Variants in FGF1 observed in about 807,000 individuals in gnomAD.
The protein encoded by FGF1 is beta-endothelial cell growth factor.
In FGF1, 9 loss-of-function variants were observed where a neutral mutation model predicts 13.4. The observed-to-expected ratio is 0.67, with a 90% confidence interval of 0.40 to 1.17. The LOEUF (loss-of-function observed/expected upper bound fraction) is 1.17, where lower values mean the gene tolerates loss of function less well. Among genes scored for constraint, FGF1 ranks in the 50% most tolerant of loss-of-function variants. FGF1 has a pLI of 0.01. For missense variants in FGF1, 156 were observed against 192.7 expected (o/e 0.81, Z 1.13); for synonymous variants, 93 against 79.0 (o/e 1.18, Z -0.94).
At chr5:142,626,336 G>C (rs116012826) in intron 1 of FGF1, among the ~76,000 whole-genome samples, 27 of 152,308 alleles carry the variant, frequency 1.8e-4, no homozygotes, top group African/African-American at 6.0e-4. Flanking sequence ...AGCTAAGGAA[G>C]TGAGGCTCAG....
At chr5:142,599,307 T>G (rs1755963398) in intron 3 of FGF1, among the ~76,000 whole-genome samples, 1 of 152,222 alleles carries the variant, frequency 6.6e-6, no homozygotes, top group African/African-American at 2.4e-5. Flanking sequence ...CATAGCATTT[T>G]AGAGGTTACC....
chr5:142,612,899 C>A (rs1006614828), intron 2 of FGF1, among the ~76,000 whole-genome samples: 2 of 152,194 alleles, frequency 1.3e-5, no homozygotes, highest in Non-Finnish European at 2.9e-5. Flanking sequence ...TTAGAGCCTG[C>A]AACCTCTGGT....
At chr5:142,600,566 AG>A (rs1756297243) in intron 3 of FGF1, 135 bp downstream of exon 3, 3 of 685,866 alleles carry the variant, frequency 4.4e-6, no homozygotes, top group Non-Finnish European at 5.3e-6. Flanking sequence ...AAGCAGAGTG[AG>A]GGTGGGAATC....
chr5:142,597,406 C>G (rs1295610602), intron 3 of FGF1, among the ~76,000 whole-genome samples: 2 of 152,016 alleles, frequency 1.3e-5, no homozygotes, highest in African/African-American at 4.8e-5. Context: ...ACAGTAGAAC[C>G]CAGTGCAGCT....
intron 1 of FGF1, among the ~76,000 whole-genome samples, chr5:142,631,435 G>T (rs1306107157): frequency 1.3e-5 from 2 of 152,168 alleles, no homozygotes; most frequent in Admixed American, 6.5e-5. Context: ...ACATTGCAAA[G>T]AAATTTTGTC....
intron 2 of FGF1, among the ~76,000 whole-genome samples, chr5:142,695,861 T>A (rs1026869123): frequency 1.3e-5 from 2 of 152,140 alleles, no homozygotes; most frequent in African/African-American, 4.8e-5. Context: ...TGACAGTCAA[T>A]GCCATTCTGA....
chr5:142,650,337 A>G (rs1286007627), intron 1 of FGF1, among the ~76,000 whole-genome samples: 1 of 152,232 alleles, frequency 6.6e-6, no homozygotes, highest in Non-Finnish European at 1.5e-5. Context: ...GTTCAGAAAG[A>G]CAGTCAAGGT....
chr5:142,663,178 G>C (rs141265146), intron 1 of FGF1, among the ~76,000 whole-genome samples: 46 of 151,590 alleles, frequency 3.0e-4, no homozygotes, highest in Non-Finnish European at 5.0e-4. Context: ...GTTAGGCTGA[G>C]TTGAGACAGC....
At chr5:142,695,077 T>C (rs562738049) in intron 2 of FGF1, among the ~76,000 whole-genome samples, 1 of 152,280 alleles carries the variant, frequency 6.6e-6, no homozygotes, top group South Asian at 2.1e-4. Flanking sequence ...TGGGTTATAG[T>C]CTGCACATCA....
At position 142,656,350 on chromosome 5, in the gene FGF1, A is replaced by T. The variant is rs578222824; in HGVS notation, c.-35+29607T>A. 2.6e-5 allele frequency among the ~76,000 whole-genome samples: 4 copies of T among 152,262 alleles called. No individual in the cohort carries two copies. In the East Asian group the frequency reaches 7.7e-4, roughly 29 times the overall value. ...GTAACCCACAATATCTTGATTAAAA[A>T]AAAAGCTGTTATTCAGTTGGGATAC... On this transcript the variant is annotated intron_variant, in intron 1 of 3. Transcript: ENST00000337706.
Position 142,592,313 on chromosome 5 carries a change from C to T in FGF1, c.*2977G>A. ...TGTGAGTTTAGTTGTCAGCAGTACA[C>T]TCAAGGCTGAGGACTTGGCGCCTTG... On this transcript the variant is annotated 3_prime_UTR_variant, in exon 4 of 4. Transcript: ENST00000337706. 2.5e-6 allele frequency: 1 copy of T among 398,588 alleles called. No homozygotes were observed. Among genetic ancestry groups the T allele is most frequent in the Non-Finnish European group, 4.4e-6 (1 of 226,018 alleles). 24.7% of individuals were successfully genotyped at this position (398,588 alleles called of 1,614,324 possible).
At chr5:142,639,533 G>T (rs769734572) in intron 1 of FGF1, among the ~76,000 whole-genome samples, 4 of 152,006 alleles carry the variant, frequency 2.6e-5, no homozygotes, top group Non-Finnish European at 5.9e-5. Context: ...ACTCATTGAA[G>T]TAGAGAGTAG....
chr5:142,621,100 C>T (rs1367677181), intron 1 of FGF1, among the ~76,000 whole-genome samples: 3 of 152,180 alleles, frequency 2.0e-5, no homozygotes, highest in Non-Finnish European at 2.9e-5. Context: ...GTCAATTCTG[C>T]TGCTAGTGAC....
At chr5:142,655,571 C>T (rs1238848350) in intron 1 of FGF1, among the ~76,000 whole-genome samples, 1 of 152,206 alleles carries the variant, frequency 6.6e-6, no homozygotes, top group Admixed American at 6.5e-5. Flanking sequence ...TAATTCCCGA[C>T]AGTTAACAAA....
At chr5:142,645,640 C>T (rs985261433) in intron 1 of FGF1, among the ~76,000 whole-genome samples, 13 of 152,178 alleles carry the variant, frequency 8.5e-5, no homozygotes, top group Admixed American at 7.9e-4. Context: ...ATCACAATGC[C>T]TGGCATGTAA....
At chr5:142,654,328 A>C (rs1767781659) in intron 1 of FGF1, among the ~76,000 whole-genome samples, 1 of 152,226 alleles carries the variant, frequency 6.6e-6, no homozygotes, top group African/African-American at 2.4e-5. Context: ...TTGATGCAGC[A>C]AGCTCACAAA....
Position 142,671,091 on chromosome 5 carries a change from A to C in FGF1, c.-35+14866T>G, listed in dbSNP as rs17216853. 6.1e-3 allele frequency among the ~76,000 whole-genome samples: 935 copies of C among 152,336 alleles called. 8 individuals carry two copies. The highest frequency in any genetic ancestry group is 0.021 in the African/African-American group (892 of 41,568). On this transcript the variant is annotated intron_variant, in intron 1 of 3. Transcript: ENST00000337706. ...AACTCAAAAAGCAGCTGTTCATTTA[A>C]CCATCTATCATCTTCTTTTGACCCT...
At chr5:142,617,776 C>T (rs919169641) in intron 1 of FGF1, among the ~76,000 whole-genome samples, 2 of 152,070 alleles carry the variant, frequency 1.3e-5, no homozygotes, top group Non-Finnish European at 2.9e-5. Flanking sequence ...TAAAGGAAAC[C>T]CCAGGGGCAT....
intron 1 of FGF1, among the ~76,000 whole-genome samples, chr5:142,683,549 A>G (rs1774112624): frequency 1.3e-5 from 2 of 152,204 alleles, no homozygotes; most frequent in South Asian, 4.1e-4. Flanking sequence ...AAATTAGGCC[A>G]GGTGCAGTGG....
Sources: gnomAD v4.1 joint callset for allele counts (sites outside exome capture counted in the v4.1 genomes callset) on GRCh38, gnomAD v4.1.1 for gene constraint, MANE v1.5 for transcripts, NCBI Gene and HGNC (gene_info 2026-07-23, HGNC 2026-07-21) for gene names.